Variants in OCA2 observed in about 807,000 individuals in gnomAD.
The protein encoded by OCA2 is OCA2 melanosomal transmembrane protein.
In OCA2, 77 loss-of-function variants were observed where a neutral mutation model predicts 100.2. The observed-to-expected ratio is 0.77, with a 90% CI of 0.64 to 0.93. The LOEUF is 0.93. Ranked by LOEUF, OCA2 falls within the 40% of genes least tolerant of loss-of-function variation. OCA2 has a pLI of 0.00. For synonymous variants in OCA2, 432 were observed against 439.2 expected (o/e 0.98, Z 0.21); for missense variants, 1,062 against 1,089.1 (o/e 0.98, Z 0.35).
chr15:28,016,058 G>A (rs377315868), intron 8 of OCA2, 46 bp downstream of exon 8: 27 of 1,480,320 alleles, frequency 1.8e-5, no homozygotes, highest in Admixed American at 3.3e-5. Flanking sequence ...TTAAACGCAC[G>A]TGTCCCAGAG....
chr15:27,763,122 A>T (rs1042183524), intron 23 of OCA2, among the ~76,000 whole-genome samples: 2 of 152,234 alleles, frequency 1.3e-5, no homozygotes, highest in African/African-American at 4.8e-5. Context: ...TACAAACATT[A>T]ACTCATAATG....
chr15:27,934,160 C>A (rs977588), intron 18 of OCA2, among the ~76,000 whole-genome samples: 80,057 of 150,246 alleles, frequency 0.53, 22,068 homozygotes, highest in Non-Finnish European at 0.6. Context: ...ACTACAACAG[C>A]AACATTTTAA....
At chr15:28,034,958 G>T (rs747202858) in intron 2 of OCA2, among the ~76,000 whole-genome samples, 1 of 152,188 alleles carries the variant, frequency 6.6e-6, no homozygotes, top group Non-Finnish European at 1.5e-5. Context: ...CCTCAGGAGA[G>T]GGAGAGTGCT....
At chr15:27,950,777 G>A (rs1304223555) in intron 18 of OCA2, among the ~76,000 whole-genome samples, 3 of 152,202 alleles carry the variant, frequency 2.0e-5, no homozygotes, top group East Asian at 1.9e-4. Context: ...GATGTGGTGC[G>A]AATCGCTGAA....
At chr15:27,920,250 T>A (rs942257430) in intron 19 of OCA2, among the ~76,000 whole-genome samples, 1 of 151,554 alleles carries the variant, frequency 6.6e-6, no homozygotes, top group Admixed American at 6.6e-5. Flanking sequence ...CCCAAATAGA[T>A]TGAAAGGAAA....
intron 23 of OCA2, among the ~76,000 whole-genome samples, chr15:27,813,998 T>C (rs1472958914): frequency 3.3e-5 from 5 of 152,220 alleles, no homozygotes; most frequent in African/African-American, 1.2e-4. Context: ...ACAGGGTAAT[T>C]GGAATACCCA....
intron 2 of OCA2, among the ~76,000 whole-genome samples, chr15:28,074,616 G>A (rs1289058966): frequency 6.6e-6 from 1 of 150,958 alleles, no homozygotes; most frequent in African/African-American, 2.4e-5. Flanking sequence ...GGAGCTTGCA[G>A]TGAGCCGAGA....
intron 1 of OCA2, 131 bp from the exon 2 acceptor site, chr15:28,082,026 C>A: frequency 1.3e-6 from 1 of 743,590 alleles, no homozygotes; most frequent in South Asian, 1.6e-5. Flanking sequence ...CCTAACCACG[C>A]AAGAGCATTT....
At chr15:27,848,571 A>G (rs561586608) in intron 22 of OCA2, among the ~76,000 whole-genome samples, 48 of 152,326 alleles carry the variant, frequency 3.2e-4, no homozygotes, top group African/African-American at 1.0e-3. Flanking sequence ...CACCCAGGTC[A>G]TCCTGCATGG....
chr15:27,901,953 A>G (rs2037954080), intron 19 of OCA2, among the ~76,000 whole-genome samples: 1 of 152,216 alleles, frequency 6.6e-6, no homozygotes, highest in African/African-American at 2.4e-5. Context: ...TTGCCCACCC[A>G]GAGCCACTGT....
intron 23 of OCA2, among the ~76,000 whole-genome samples, chr15:27,793,886 C>G (rs550776245): frequency 2.0e-5 from 3 of 152,138 alleles, no homozygotes; most frequent in Non-Finnish European, 2.9e-5. Flanking sequence ...AATGGACGTG[C>G]CCACCACAGG....
At chr15:27,971,788 A>T (rs1023465197) in intron 14 of OCA2, among the ~76,000 whole-genome samples, 2 of 152,140 alleles carry the variant, frequency 1.3e-5, no homozygotes, top group East Asian at 3.9e-4. Flanking sequence ...TTTGTTTATT[A>T]TTCCTCCAAA....
At chr15:27,769,190 G>C (rs2031520255) in intron 23 of OCA2, among the ~76,000 whole-genome samples, 1 of 152,216 alleles carries the variant, frequency 6.6e-6, no homozygotes, top group Non-Finnish European at 1.5e-5. Flanking sequence ...TCCCTCCGGG[G>C]TGATTTTCAA....
At chr15:27,756,049 G>A (rs1392121301) in intron 23 of OCA2, among the ~76,000 whole-genome samples, 1 of 152,238 alleles carries the variant, frequency 6.6e-6, no homozygotes, top group African/African-American at 2.4e-5. Flanking sequence ...AAGCAGTCAT[G>A]AGAAGAGAGA....
At chr15:27,993,001 A>G (rs1489269854) in intron 9 of OCA2, among the ~76,000 whole-genome samples, 1 of 152,120 alleles carries the variant, frequency 6.6e-6, no homozygotes, top group East Asian at 1.9e-4. Context: ...GCACACACCT[A>G]TAGTCCCAGT....
intron 2 of OCA2, among the ~76,000 whole-genome samples, chr15:28,051,019 G>A (rs1330361493): frequency 6.6e-6 from 1 of 152,196 alleles, no homozygotes; most frequent in African/African-American, 2.4e-5. Context: ...CACAGGGCAT[G>A]GTGACTTGGG....
intron 9 of OCA2, among the ~76,000 whole-genome samples, chr15:28,002,205 C>T (rs77484052): frequency 0.018 from 2,789 of 152,284 alleles, 98 homozygotes; most frequent in African/African-American, 0.063. Context: ...GGGTGTCCCC[C>T]GGGATACCAA....
At chr15:28,020,102 A>C (rs2141276248) in intron 6 of OCA2, among the ~76,000 whole-genome samples, 1 of 152,130 alleles carries the variant, frequency 6.6e-6, no homozygotes, top group African/African-American at 2.4e-5. Flanking sequence ...CACAGGGAGC[A>C]GGCGAGACAG....
chr15:27,744,452 TG>T, the OCA2 span, among the ~76,000 whole-genome samples: 14 of 152,204 alleles, frequency 9.2e-5, no homozygotes, highest in Non-Finnish European at 7.4e-5. Flanking sequence ...GGGCTGGTGA[TG>T]GGGCAAGAGG....
Sources: allele counts gnomAD v4.1 joint callset (sites outside exome capture counted in the v4.1 genomes callset), GRCh38; gene constraint gnomAD v4.1.1; transcripts MANE v1.5; gene names NCBI Gene and HGNC (gene_info 2026-07-23, HGNC 2026-07-21).